Variants in SMURF2 observed in about 807,000 individuals in gnomAD.
SMURF2 encodes SMAD specific E3 ubiquitin protein ligase 2.
SMURF2 carries 48 observed loss-of-function variants against 109.6 expected under a neutral mutation model. That is an observed-to-expected ratio of 0.44 (90% CI 0.35 to 0.56). The LOEUF is 0.56. Ranked by LOEUF, SMURF2 falls within the 20% of genes least tolerant of loss-of-function variation. The pLI, the probability that SMURF2 is intolerant of heterozygous loss-of-function variation, is 0.01. For synonymous variants in SMURF2, 288 were observed against 317.1 expected, an observed-to-expected ratio of 0.91 and a Z score of 0.97; for missense variants, 575 against 909.0, an observed-to-expected ratio of 0.63 and a Z score of 4.72.
intron 9 of SMURF2, among the ~76,000 whole-genome samples, chr17:64,575,777 C>T (rs1969481416): frequency 6.6e-6 from 1 of 151,924 alleles, no homozygotes; most frequent in Non-Finnish European, 1.5e-5. Flanking sequence ...CTGTGCTTAA[C>T]ATAAAATATC....
intron 3 of SMURF2, among the ~76,000 whole-genome samples, chr17:64,595,855 A>G (rs556272751): frequency 6.6e-6 from 1 of 152,354 alleles, no homozygotes. Context: ...AAAGAAAATA[A>G]CAGTGACAGA....
chr17:64,572,342 A>G (rs1969409069), intron 9 of SMURF2, among the ~76,000 whole-genome samples: 1 of 152,194 alleles, frequency 6.6e-6, no homozygotes, highest in African/African-American at 2.4e-5. Context: ...ATGTCCCTTC[A>G]TTTCTTTACT....
At chr17:64,546,386 A>C (rs16947858) in intron 17 of SMURF2, 48 bp from the exon 18 acceptor site, 47 of 1,537,842 alleles carry the variant, frequency 3.1e-5, no homozygotes, top group Non-Finnish European at 3.8e-5. Flanking sequence ...TGCGTGCATT[A>C]GTCTCCAAAA....
At chr17:64,652,738 G>A (rs137864776) in intron 1 of SMURF2, among the ~76,000 whole-genome samples, 101 of 152,168 alleles carry the variant, frequency 6.6e-4, no homozygotes, top group African/African-American at 2.2e-3. Context: ...CTCCTGCCTC[G>A]GCCTCCCAAA....
At chr17:64,555,252 T>C (rs1369076128) in intron 14 of SMURF2, among the ~76,000 whole-genome samples, 1 of 152,190 alleles carries the variant, frequency 6.6e-6, no homozygotes, top group Admixed American at 6.5e-5. Context: ...ACCACCAATA[T>C]AGGACAATTT....
chr17:64,550,757 C>CAAAAAAAAAAA (rs146307567), intron 16 of SMURF2, among the ~76,000 whole-genome samples: 3 of 69,676 alleles, frequency 4.3e-5, no homozygotes, highest in Admixed American at 1.7e-4. Flanking sequence ...ACTCTGTCTC[C>CAAAAAAAAAAA]AAAAAAAAAA....
Position 64,662,235 on chromosome 17 carries a change from G to T in SMURF2, c.-355C>A. The T allele has an allele frequency of 1.0e-6, 1 of 983,288 alleles. No individual in the cohort carries two copies. The highest frequency in any genetic ancestry group is 4.7e-5 in the South Asian group (1 of 21,282). The allele number at this position is 983,288 out of a possible 1,614,324, so 60.9% of individuals were successfully genotyped here. Reference sequence around the variant, plus strand: ...TAGCCGACGGGGCTGGTCGGCTGAAGCGGGCGGTGCTCGGGGGCGCCGGAG... The same window carrying T: ...TAGCCGACGGGGCTGGTCGGCTGAATCGGGCGGTGCTCGGGGGCGCCGGAG... On this transcript the variant is annotated 5_prime_UTR_variant, in exon 1 of 19. Coordinates refer to ENST00000262435, the MANE Select transcript of SMURF2 (RefSeq NM_022739.4).
chr17:64,643,973 G>A (rs549331768), intron 1 of SMURF2, among the ~76,000 whole-genome samples: 22 of 151,832 alleles, frequency 1.4e-4, no homozygotes, highest in African/African-American at 4.3e-4. Context: ...TTATAGGTGC[G>A]CGCCACCAAG....
Position 64,562,837 on chromosome 17 carries a change from T to C in SMURF2, c.1146A>G (p.Glu382=). The C allele has an allele frequency of 1.9e-6, 3 of 1,614,172 alleles. No individual in the cohort carries two copies. The highest frequency in any genetic ancestry group is 2.5e-6 in the Non-Finnish European group (3 of 1,180,030). Residue 382 remains glutamate, a synonymous_variant, in exon 11 of 19, where the codon GAA becomes GAG. Coordinates refer to ENST00000262435, the MANE Select transcript of SMURF2 (RefSeq NM_022739.4). ...CTGCCTGAGGCTGTTGTTGGGAAAG[T>C]TCTTGCCGCAAAATTTTTAGTTTCT... ...LVQKLKILRQ[E]LSQQQPQAGH... is the part of the protein sequence containing the mutation.
chr17:64,573,152 GGAGGAGGA>G, intron 9 of SMURF2: 2 of 49,060 alleles, frequency 4.1e-5, no homozygotes, highest in Non-Finnish European at 7.3e-5. Context: ...AGGAGGAGGA[GGAGGAGGA>G]GGGGGAGGAG....
In SMURF2 at chr17:64,662,277, G is replaced by A. The variant is rs1970795474; in HGVS notation, c.-397C>T. On this transcript the variant is annotated 5_prime_UTR_variant, in exon 1 of 19. Coordinates refer to ENST00000262435, the MANE Select transcript of SMURF2 (RefSeq NM_022739.4). ...GCGCCGGAGCAGAACTCTGGGCTCG[G>A]CCGCTTCCTCCTCCACCCGCCCTCT... 1.0e-6 allele frequency: 1 copy of A among 982,594 alleles called. No individual in the cohort carries two copies. The highest frequency in any genetic ancestry group is 6.2e-5 in the Admixed American group (1 of 16,102). The allele number at this position is 982,594 out of a possible 1,614,324, so 60.9% of individuals were successfully genotyped here.
Position 64,551,617 on chromosome 17 carries a change from A to G in SMURF2, c.1836T>C (p.His612=). The change falls in exon 16 of 19, where the codon CAT becomes CAC. Residue 612 remains histidine, a synonymous_variant. Transcript: ENST00000262435. ...CCTTCTCATCAAATGTCTTCAGCAG[A>G]TGTTGTGGAATTACTTCATTAAATC... The part of the protein sequence containing the change: ...QKGFNEVIPQ[H]LLKTFDEKEL... The G allele has an allele frequency of 6.2e-7, 1 of 1,614,084 alleles. No individual in the cohort carries two copies. Among genetic ancestry groups the G allele is most frequent in the African/African-American group, 1.3e-5 (1 of 75,064 alleles).
chr17:64,557,621 G>C lies in SMURF2; in HGVS notation c.1418C>G (p.Ser473Cys), dbSNP rs1969141734. 6.3e-7 allele frequency: 1 copy of C among 1,594,000 alleles called. No individual in the cohort carries two copies. The highest frequency in any genetic ancestry group is 8.6e-7 in the Non-Finnish European group (1 of 1,163,754). ...DIYTLQINPDSAVNPEHLSYF... is the reference protein window; with the variant it reads ...DIYTLQINPDCAVNPEHLSYF... ...TTCAAATCATACCGGATTAACTGCA[G>C]AATCAGGATTGATCTGCAATGTATA... Residue 473 changes from serine (S) to cysteine (C), a missense_variant, in exon 13 of 19, where the codon TCT (serine) becomes TGT (cysteine). This residue lies in a region of SMURF2 where 361 missense variants were observed against 612.1 expected (regional missense o/e 0.59). Coordinates refer to ENST00000262435, the MANE Select transcript of SMURF2 (RefSeq NM_022739.4).
At chr17:64,559,977 C>T (rs1419669452) in intron 12 of SMURF2, among the ~76,000 whole-genome samples, 1 of 151,624 alleles carries the variant, frequency 6.6e-6, no homozygotes, top group Non-Finnish European at 1.5e-5. Flanking sequence ...TGGTCTCAAT[C>T]TCTTGACCTC....
intron 1 of SMURF2, among the ~76,000 whole-genome samples, chr17:64,653,861 GATAAACA>G (rs1970671064): frequency 6.6e-6 from 1 of 152,092 alleles, no homozygotes; most frequent in Non-Finnish European, 1.5e-5. Flanking sequence ...TTTATAAATG[GATAAACA>G]AATTGGTGTA....
intron 1 of SMURF2, among the ~76,000 whole-genome samples, chr17:64,631,961 C>CGGGGG (rs782202552): frequency 2.0e-4 from 2 of 9,956 alleles, no homozygotes; most frequent in Admixed American, 1.6e-3. Context: ...TCTTTTTTTG[C>CGGGGG]GGGGGGGGGG....
At chr17:64,612,596 C>T (rs1242691140) in intron 1 of SMURF2, among the ~76,000 whole-genome samples, 1 of 151,984 alleles carries the variant, frequency 6.6e-6, no homozygotes, top group Non-Finnish European at 1.5e-5. Flanking sequence ...ATCACTTGAG[C>T]CTGGAAGGCA....
At chr17:64,571,710 T>A (rs1969401451) in intron 10 of SMURF2, 88 bp downstream of exon 10, 3 of 1,348,662 alleles carry the variant, frequency 2.2e-6, no homozygotes, top group Non-Finnish European at 3.0e-6. Context: ...TGAGCCACTG[T>A]ATCGAGACTC....
chr17:64,649,905 C>T (rs868908793), intron 1 of SMURF2, among the ~76,000 whole-genome samples: 10 of 152,112 alleles, frequency 6.6e-5, no homozygotes, highest in Non-Finnish European at 1.2e-4. Flanking sequence ...AATTATATTT[C>T]ATTATATGAA....
Sources: allele counts gnomAD v4.1 joint callset (sites outside exome capture counted in the v4.1 genomes callset), GRCh38; gene constraint gnomAD v4.1.1; regional missense constraint gnomAD v4.1.1; transcripts MANE v1.5; gene names NCBI Gene and HGNC (gene_info 2026-07-23, HGNC 2026-07-21).